Variants in CAMK2B observed in about 807,000 individuals in gnomAD.
CAMK2B encodes the protein calcium/calmodulin dependent protein kinase II beta.
In CAMK2B, 27 loss-of-function variants were observed where a neutral mutation model predicts 93.7. The ratio of observed to expected loss-of-function variants is 0.29; its 90% CI spans 0.21 to 0.40. The LOEUF (loss-of-function observed/expected upper bound fraction) is 0.40, where lower values mean the gene tolerates loss of function less well. CAMK2B is among the 10% of genes least tolerant of loss of function. The pLI is 1.00. For missense variants in CAMK2B, 568 were observed against 895.8 expected (o/e 0.63, Z 4.67); for synonymous variants, 374 against 358.8 (o/e 1.04, Z -0.48).
intron 1 of CAMK2B, 25 bp downstream of exon 1, chr7:44,325,332 A>G: frequency 8.2e-7 from 1 of 1,217,494 alleles, no homozygotes. Flanking sequence ...TCCCCGGCCC[A>G]GCCCGCGCGC....
chr7:44,221,630 G>A (rs371747184), intron 20 of CAMK2B, among the ~76,000 whole-genome samples: 2 of 152,160 alleles, frequency 1.3e-5, no homozygotes, highest in East Asian at 1.9e-4. Context: ...CTTGCAGTCC[G>A]GGGCCCACAT....
At chr7:44,227,819 G>A (rs1438105443) in intron 19 of CAMK2B, among the ~76,000 whole-genome samples, 1 of 124,084 alleles carries the variant, frequency 8.1e-6, no homozygotes, top group Non-Finnish European at 1.7e-5. Flanking sequence ...AGAATGTGAG[G>A]GGCAGAGCAG....
intron 2 of CAMK2B, among the ~76,000 whole-genome samples, chr7:44,274,220 G>T (rs1584477184): frequency 6.6e-6 from 1 of 152,180 alleles, no homozygotes; most frequent in South Asian, 2.1e-4. Context: ...CAGGTGACAT[G>T]CAGACAATGG....
intron 13 of CAMK2B, 142 bp from the exon 14 acceptor site, chr7:44,234,818 C>A: frequency 1.2e-6 from 1 of 866,496 alleles, no homozygotes; most frequent in South Asian, 1.6e-5. Flanking sequence ...AGCACCCAGG[C>A]TGGCTCTGAG....
At chr7:44,297,909 AG>A (rs543786460) in intron 1 of CAMK2B, among the ~76,000 whole-genome samples, 9 of 152,222 alleles carry the variant, frequency 5.9e-5, no homozygotes, top group Non-Finnish European at 1.2e-4. Flanking sequence ...GGGTCACTTG[AG>A]GTCAGGAGTT....
chr7:44,273,838 C>G, intron 2 of CAMK2B, among the ~76,000 whole-genome samples: 1 of 152,234 alleles, frequency 6.6e-6, no homozygotes, highest in Non-Finnish European at 1.5e-5. Flanking sequence ...GGTTCCCACT[C>G]ATCCCTGAGC....
At chr7:44,320,149 T>C (rs1289297650) in intron 1 of CAMK2B, among the ~76,000 whole-genome samples, 1 of 152,176 alleles carries the variant, frequency 6.6e-6, no homozygotes, top group Non-Finnish European at 1.5e-5. Context: ...AATAAAAATT[T>C]CTAGTCTTGC....
chr7:44,270,023 C>T (rs779491746), intron 2 of CAMK2B, among the ~76,000 whole-genome samples: 10 of 152,060 alleles, frequency 6.6e-5, no homozygotes, highest in East Asian at 1.9e-4. Context: ...AAAATGGAAT[C>T]GTGTGTGGAA....
intron 2 of CAMK2B, 128 bp downstream of exon 2, chr7:44,284,003 C>T: frequency 1.5e-6 from 1 of 658,474 alleles, no homozygotes; most frequent in African/African-American, 1.8e-5. Context: ...GTGCATGGAG[C>T]CACAGGCAGG....
chr7:44,271,423 G>T lies in CAMK2B; in HGVS notation c.161-8359C>A, dbSNP rs1172173652. Among the ~76,000 whole-genome samples the T allele has an allele frequency of 3.3e-5, 5 of 152,220 alleles. No individual in the cohort carries two copies. The highest frequency in any genetic ancestry group is 6.5e-5 in the Admixed American group (1 of 15,286). On this transcript the variant is annotated intron_variant, in intron 2 of 23. Coordinates refer to ENST00000395749, the MANE Select transcript of CAMK2B (RefSeq NM_001220.5). This position sits in a 1 kb window ranked among gnomAD's most constrained non-coding sequence, Gnocchi z 4.2. The stretch of plus-strand genomic sequence containing the variant: ...GAGCAGCTCGGCCAGAACCTGATAG[G>T]ACATCCTGGGCCTTGACACCAGGCC...
chr7:44,251,179 G>A (rs1028369730), intron 5 of CAMK2B, among the ~76,000 whole-genome samples: 12 of 152,152 alleles, frequency 7.9e-5, no homozygotes, highest in African/African-American at 2.9e-4. Context: ...CTGGCCAGGA[G>A]GCCTCGGCCC....
intron 3 of CAMK2B, chr7:44,259,654 T>C (rs1404807144): frequency 2.6e-5 from 4 of 152,214 alleles, no homozygotes; most frequent in Admixed American, 2.6e-4. Context: ...ATGTGATGAA[T>C]GAACAAGCGG....
Position 44,220,239 on chromosome 7 carries a change from G to A in CAMK2B, c.1824C>T (p.His608=), listed in dbSNP as rs780905919. 2.4e-5 allele frequency: 38 copies of A among 1,613,322 alleles called. No homozygotes were observed. The highest frequency in any genetic ancestry group is 2.4e-5 in the Non-Finnish European group (28 of 1,179,974). Residue 608 remains histidine, a synonymous_variant, in exon 23 of 24, where the codon CAC becomes CAT. Transcript: ENST00000395749. ...IHTTILNPHV[H]VIGEDAACIA... is the part of the protein sequence containing the mutation. ...TGCAGGCGGCATCCTCTCCAATGAC[G>A]TGCACGTGTGGGTTCAGGATGGTCG...
intron 1 of CAMK2B, among the ~76,000 whole-genome samples, chr7:44,303,222 A>G (rs78451826): frequency 0.089 from 13,538 of 152,272 alleles, 817 homozygotes; most frequent in Non-Finnish European, 0.12. Flanking sequence ...ATATGAGGAC[A>G]TTTACAAAAC....
At chr7:44,239,715 A>C in intron 12 of CAMK2B, 52 bp from the exon 13 acceptor site, 1 of 1,278,830 alleles carries the variant, frequency 7.8e-7, no homozygotes, top group Non-Finnish European at 1.1e-6. Context: ...GCGGACACAG[A>C]CGAGGGGTGG....
chr7:44,302,737 T>C (rs567129977), intron 1 of CAMK2B, among the ~76,000 whole-genome samples: 2 of 152,282 alleles, frequency 1.3e-5, no homozygotes, highest in South Asian at 4.1e-4. Flanking sequence ...CAGCAAACTA[T>C]GAATACAGTG....
At chr7:44,232,661 T>G (rs2096590609) in intron 16 of CAMK2B, among the ~76,000 whole-genome samples, 161 bp downstream of exon 16, 1 of 152,046 alleles carries the variant, frequency 6.6e-6, no homozygotes, top group African/African-American at 2.4e-5. Context: ...TGTCCTGTTG[T>G]TGCCCACGAA....
intron 1 of CAMK2B, among the ~76,000 whole-genome samples, chr7:44,306,771 G>A (rs1391717907): frequency 6.8e-6 from 1 of 147,442 alleles, no homozygotes; most frequent in Non-Finnish European, 1.5e-5. Flanking sequence ...GGAGGAGGAT[G>A]CGAGCAGGGG....
chr7:44,244,313 G>C (rs1208698871), intron 6 of CAMK2B, among the ~76,000 whole-genome samples: 1 of 152,196 alleles, frequency 6.6e-6, no homozygotes, highest in Admixed American at 6.5e-5. Context: ...AGGAGGCCTG[G>C]GGGCACTTGG....
Sources: allele counts gnomAD v4.1 joint callset (sites outside exome capture counted in the v4.1 genomes callset), GRCh38; gene constraint gnomAD v4.1.1; non-coding constraint Gnocchi (gnomAD v3.1); transcripts MANE v1.5; gene names NCBI Gene and HGNC (gene_info 2026-07-23, HGNC 2026-07-21).